JADE1: variants seen among roughly 807,000 people sequenced by gnomAD.
JADE1 encodes the protein jade family PHD finger 1.
JADE1 carries 14 observed loss-of-function variants against 81.8 expected under a neutral mutation model. The observed-to-expected ratio is 0.17, with a 90% confidence interval of 0.11 to 0.27. The LOEUF is 0.27. Among genes scored for constraint, JADE1 ranks in the 10% least tolerant of loss-of-function variants. JADE1 has a pLI of 1.00. For missense variants in JADE1, 690 were observed against 1,047.9 expected (o/e 0.66, Z 4.71); for synonymous variants, 353 against 391.9 (o/e 0.90, Z 1.17).
intron 10 of JADE1, among the ~76,000 whole-genome samples, chr4:128,870,969 G>A (rs574118398): frequency 2.8e-4 from 43 of 152,324 alleles, no homozygotes; most frequent in Non-Finnish European, 4.7e-4. Flanking sequence ...AGACTGGACC[G>A]TGGAGGAGCG....
At chr4:128,842,131 C>T (rs763629371) in intron 2 of JADE1, among the ~76,000 whole-genome samples, 12 of 152,154 alleles carry the variant, frequency 7.9e-5, no homozygotes, top group Non-Finnish European at 1.5e-4. Flanking sequence ...GTTTACCTCC[C>T]GTCCTCTCTT....
At position 128,872,949 on chromosome 4, in the gene JADE1, T is replaced by C. The variant is rs572179963; in HGVS notation, c.*687T>C. 64 of 455,806 alleles carry C rather than the reference T, an allele frequency of 1.4e-4. 1 individual carries two copies. The highest frequency in any genetic ancestry group is 8.8e-4 in the South Asian group (57 of 64,480). 28.2% of individuals were successfully genotyped at this position (455,806 alleles called of 1,614,324 possible). On this transcript the variant is annotated 3_prime_UTR_variant, in exon 11 of 11. Transcript: ENST00000226319. ...TGCTGCTTGAAGCCTGTGAGTGGGT[T>C]GTGGATATGGGACTGGTGGAGAGTG...
chr4:128,854,080 T>A (rs1482168317), intron 6 of JADE1, among the ~76,000 whole-genome samples: 1 of 152,240 alleles, frequency 6.6e-6, no homozygotes, highest in Non-Finnish European at 1.5e-5. Flanking sequence ...CTTTACTTGC[T>A]ATTTTTTTCC....
intron 5 of JADE1, among the ~76,000 whole-genome samples, chr4:128,849,635 TTA>T (rs1560758792): frequency 6.6e-6 from 1 of 152,212 alleles, no homozygotes; most frequent in Non-Finnish European, 1.5e-5. Flanking sequence ...GCGATTTTCC[TTA>T]TGTCATGCTG....
chr4:128,873,224 C>T lies in JADE1; in HGVS notation c.*962C>T, dbSNP rs1383391863. On this transcript the variant is annotated 3_prime_UTR_variant, in exon 11 of 11. Coordinates refer to ENST00000226319, the MANE Select transcript of JADE1 (RefSeq NM_199320.4). ...TAGTGCATATGTTAGGGAATCTGGGCTTCCAACATGAATGGATTCCTTAAG... is the reference window on the plus strand; with the variant it reads ...TAGTGCATATGTTAGGGAATCTGGGTTTCCAACATGAATGGATTCCTTAAG... The T allele has an allele frequency of 8.1e-6, 1 of 124,160 alleles. No homozygotes were observed. Among genetic ancestry groups the T allele is most frequent in the Non-Finnish European group, 1.6e-5 (1 of 63,214 alleles). 7.7% of individuals were successfully genotyped at this position (124,160 alleles called of 1,614,324 possible). A position where few individuals can be genotyped will look rare whatever the true frequency, so the allele number is the denominator to read the frequency against.
At chr4:128,859,561 G>A (rs200676172) in intron 8 of JADE1, among the ~76,000 whole-genome samples, 3 of 107,148 alleles carry the variant, frequency 2.8e-5, no homozygotes, top group South Asian at 3.7e-4. Flanking sequence ...ATGTGTATGT[G>A]TGTGAGTATG....
intron 3 of JADE1, among the ~76,000 whole-genome samples, chr4:128,845,536 C>T (rs1729795025): frequency 6.6e-6 from 1 of 152,136 alleles, no homozygotes; most frequent in Admixed American, 6.6e-5. Flanking sequence ...CTAGGCCAGC[C>T]CAGACCTTGA....
At chr4:128,866,045 C>A (rs1731755482) in intron 9 of JADE1, among the ~76,000 whole-genome samples, 1 of 152,150 alleles carries the variant, frequency 6.6e-6, no homozygotes, top group African/African-American at 2.4e-5. Flanking sequence ...TCTGGCCCCT[C>A]GTTCTTGAGC....
intron 1 of JADE1, chr4:128,811,702 C>T (rs1011853680): frequency 6.8e-6 from 1 of 146,846 alleles, no homozygotes; most frequent in African/African-American, 2.5e-5. Flanking sequence ...GCCCGCGGCG[C>T]GGGGGTGGCC....
chr4:128,834,518 G>T (rs1728808540), intron 2 of JADE1, among the ~76,000 whole-genome samples: 2 of 146,716 alleles, frequency 1.4e-5, no homozygotes, highest in African/African-American at 2.5e-5. Context: ...AGCCCTAGAA[G>T]ACCAAATATT....
chr4:128,815,922 G>C (rs1427600245), intron 1 of JADE1, among the ~76,000 whole-genome samples: 3 of 151,966 alleles, frequency 2.0e-5, no homozygotes, highest in South Asian at 2.1e-4. Context: ...GGTTTAGCTT[G>C]ATTGTTAAAA....
At chr4:128,814,374 TAA>T (rs1579083202) in intron 1 of JADE1, among the ~76,000 whole-genome samples, 1 of 152,346 alleles carries the variant, frequency 6.6e-6, no homozygotes, top group East Asian at 1.9e-4. Context: ...CTTTAGCTGT[TAA>T]AAAGTTATTA....
chr4:128,812,540 C>T (rs528137905), intron 1 of JADE1, among the ~76,000 whole-genome samples: 2 of 152,116 alleles, frequency 1.3e-5, no homozygotes, highest in African/African-American at 4.8e-5. Flanking sequence ...TCAACCCCGG[C>T]TTGGCGCGTC....
chr4:128,858,763 C>T (rs892406264), intron 8 of JADE1, among the ~76,000 whole-genome samples: 2 of 151,940 alleles, frequency 1.3e-5, no homozygotes, highest in African/African-American at 4.8e-5. Context: ...CCAGCAAGCC[C>T]GGCTAATTCT....
At chr4:128,834,534 T>TC (rs1560741875) in intron 2 of JADE1, among the ~76,000 whole-genome samples, 1 of 145,996 alleles carries the variant, frequency 6.8e-6, no homozygotes, top group Non-Finnish European at 1.5e-5. Flanking sequence ...ATATTTCTTT[T>TC]TTTTTTTTTT....
intron 1 of JADE1, among the ~76,000 whole-genome samples, chr4:128,823,809 T>A (rs1185164503): frequency 1.3e-5 from 2 of 152,202 alleles, no homozygotes; most frequent in Non-Finnish European, 2.9e-5. Context: ...TTAGATTCTG[T>A]GAGCATATGA....
Position 128,861,922 on chromosome 4 carries a change from T to G in JADE1, c.1200T>G (p.Phe400Leu). The change falls in exon 9 of 11, where the codon TTT becomes TTG. Residue 400 changes from phenylalanine to leucine, a missense_variant. Physicochemically the swap from Phe to Leu is conservative, Grantham distance 22. Transcript: ENST00000226319. ...ECSPRNPLEP[F>L]ASLEQNREEA... Reference sequence around the variant, plus strand: ...CCCCCCGGAATCCGCTGGAGCCCTTTGCCAGCCTTGAGCAGAACCGGGAGG... The same window carrying G: ...CCCCCCGGAATCCGCTGGAGCCCTTGGCCAGCCTTGAGCAGAACCGGGAGG... 7 of 1,614,092 alleles carry G rather than the reference T, an allele frequency of 4.3e-6. No individual in the cohort carries two copies. Among genetic ancestry groups the G allele is most frequent in the Non-Finnish European group, 5.9e-6 (7 of 1,179,948 alleles).
intron 3 of JADE1, among the ~76,000 whole-genome samples, chr4:128,843,515 T>A (rs1205344343): frequency 1.3e-5 from 2 of 152,172 alleles, no homozygotes; most frequent in Non-Finnish European, 2.9e-5. Context: ...TTCCCCATTC[T>A]TTCTCAATTT....
intron 9 of JADE1, chr4:128,862,911 T>C (rs1247946174): frequency 1.2e-5 from 12 of 984,658 alleles, no homozygotes; most frequent in Non-Finnish European, 1.4e-5. Context: ...TGTGTGTGTG[T>C]GTGCGCGTGC....
Sources: allele counts gnomAD v4.1 joint callset (sites outside exome capture counted in the v4.1 genomes callset), GRCh38; gene constraint gnomAD v4.1.1; transcripts MANE v1.5; gene names NCBI Gene and HGNC (gene_info 2026-07-23, HGNC 2026-07-21).